Variants in DEK observed in about 807,000 individuals in gnomAD.
The protein encoded by DEK is protein DEK.
DEK carries 28 observed loss-of-function variants against 46.8 expected under a neutral mutation model. The observed-to-expected ratio is 0.60, with a 90% CI of 0.44 to 0.82. The LOEUF is 0.82. DEK is among the 40% of genes least tolerant of loss of function. DEK has a pLI of 0.00. For missense variants in DEK, 416 were observed against 430.6 expected, an observed-to-expected ratio of 0.97 and a Z score of 0.30; for synonymous variants, 160 against 144.5, an observed-to-expected ratio of 1.11 and a Z score of -0.77.
Position 18,258,030 on chromosome 6 carries a change from T to A in DEK, c.280A>T (p.Ile94Leu). The change falls in exon 4 of 11, where the codon ATA becomes TTA. Residue 94 changes from isoleucine to leucine, a missense_variant. Transcript: ENST00000652689. ...KGQKLCEIERIHFFLSKKKTD... is the reference protein window; with the variant it reads ...KGQKLCEIERLHFFLSKKKTD... ...TTCTTCTTACTTAGAAAAAAATGTA[T>A]CCTCTCAATTTCACAAAGTTTCTGC... 6.2e-7 allele frequency: 1 copy of A among 1,610,564 alleles called. No individual in the cohort carries two copies. Among genetic ancestry groups the A allele is most frequent in the Non-Finnish European group, 8.5e-7 (1 of 1,178,976 alleles).
chr6:18,243,358 G>T (rs1307945936), intron 7 of DEK, among the ~76,000 whole-genome samples: 2 of 151,876 alleles, frequency 1.3e-5, no homozygotes, highest in African/African-American at 4.8e-5. Context: ...AAATGCTCAG[G>T]TATAGAATAA....
chr6:18,259,394 C>CAAAAAAAAAAAAAAAA (rs56704006), intron 2 of DEK, among the ~76,000 whole-genome samples: 3 of 41,482 alleles, frequency 7.2e-5, no homozygotes, highest in Non-Finnish European at 1.0e-4. Context: ...GACTCCGTCT[C>CAAAAAAAAAAAAAAAA]AAAAAAAAAA....
At chr6:18,226,137 A>T (rs1045492052) in intron 10 of DEK, 37 bp downstream of exon 10, 2 of 1,248,508 alleles carry the variant, frequency 1.6e-6, no homozygotes, top group Non-Finnish European at 2.1e-6. Flanking sequence ...TTTGTCTTAT[A>T]TTTCTAAAGT....
chr6:18,256,142 C>T (rs969198704), intron 5 of DEK, among the ~76,000 whole-genome samples: 20 of 151,922 alleles, frequency 1.3e-4, no homozygotes, highest in African/African-American at 4.8e-4. Flanking sequence ...CATGCGCCAC[C>T]ACAGCCGGCT....
intron 7 of DEK, among the ~76,000 whole-genome samples, chr6:18,245,027 T>C (rs755196009): frequency 1.3e-5 from 2 of 152,204 alleles, no homozygotes; most frequent in Non-Finnish European, 1.5e-5. Context: ...ACTTTTGATC[T>C]GCCTTCCTCT....
chr6:18,239,152 G>A (rs963846853), intron 7 of DEK, among the ~76,000 whole-genome samples: 2 of 151,980 alleles, frequency 1.3e-5, no homozygotes, highest in African/African-American at 2.4e-5. Context: ...AGGAACTCCC[G>A]ACCTCAGGTG....
At chr6:18,229,839 C>G (rs1790327766) in intron 9 of DEK, among the ~76,000 whole-genome samples, 1 of 152,162 alleles carries the variant, frequency 6.6e-6, no homozygotes, top group Non-Finnish European at 1.5e-5. Context: ...CCCAATCTAG[C>G]AAGGCAGGCC....
intron 5 of DEK, among the ~76,000 whole-genome samples, chr6:18,256,144 C>A (rs1364142965): frequency 1.3e-5 from 2 of 151,988 alleles, no homozygotes; most frequent in South Asian, 4.1e-4. Context: ...TGCGCCACCA[C>A]AGCCGGCTAA....
chr6:18,237,425 GCTTT>G lies in DEK; in HGVS notation c.850_853del (p.Lys284GlnfsTer28). 1 of 1,609,016 alleles carries G rather than the reference GCTTT, an allele frequency of 6.2e-7. No individual in the cohort carries two copies. The highest frequency in any genetic ancestry group is 8.5e-7 in the Non-Finnish European group (1 of 1,178,826). On this transcript the variant is annotated frameshift_variant, in exon 8 of 11. Coordinates refer to ENST00000652689, the MANE Select transcript of DEK (RefSeq NM_003472.4). LOFTEE classifies it high-confidence loss of function. ...ATTCTTCTTGGTGGTGCTGCTATCT[GCTTT>G]CTTAACATTGGCACTTTTCACAGAT...
chr6:18,230,488 CAT>C (rs1409504227), intron 9 of DEK, among the ~76,000 whole-genome samples: 2 of 152,102 alleles, frequency 1.3e-5, no homozygotes, highest in Non-Finnish European at 2.9e-5. Flanking sequence ...AGACCCATCT[CAT>C]GTGCAGAGAC....
intron 7 of DEK, among the ~76,000 whole-genome samples, chr6:18,237,860 CT>C (rs60332682): frequency 0.1 from 9,199 of 88,558 alleles, 127 homozygotes; most frequent in African/African-American, 0.17. Context: ...CAACTGGAAT[CT>C]TTTTTTTTTT....
chr6:18,230,334 A>C (rs1382694300), intron 9 of DEK, among the ~76,000 whole-genome samples: 1 of 152,200 alleles, frequency 6.6e-6, no homozygotes, highest in Non-Finnish European at 1.5e-5. Flanking sequence ...CGAGCAAAAT[A>C]ACCAGCTAAC....
chr6:18,241,107 A>G (rs541687252), intron 7 of DEK, among the ~76,000 whole-genome samples: 1 of 152,324 alleles, frequency 6.6e-6, no homozygotes, highest in South Asian at 2.1e-4. Context: ...TAAAACTACT[A>G]ATGAATTTGT....
chr6:18,242,527 G>A (rs188011484), intron 7 of DEK, among the ~76,000 whole-genome samples: 3 of 152,298 alleles, frequency 2.0e-5, no homozygotes, highest in East Asian at 3.9e-4. Flanking sequence ...TGAGTAGTGT[G>A]ATGAAATCTC....
intron 9 of DEK, among the ~76,000 whole-genome samples, chr6:18,230,353 G>T (rs1377369400): frequency 6.6e-6 from 1 of 152,132 alleles, no homozygotes; most frequent in Non-Finnish European, 1.5e-5. Flanking sequence ...ACATCATAAT[G>T]ACAGGATCAA....
At chr6:18,240,473 CA>C (rs1011467425) in intron 7 of DEK, among the ~76,000 whole-genome samples, 1 of 152,128 alleles carries the variant, frequency 6.6e-6, no homozygotes, top group African/African-American at 2.4e-5. Flanking sequence ...ATTTACAAAA[CA>C]AAAGAAACAA....
intron 2 of DEK, among the ~76,000 whole-genome samples, chr6:18,259,961 T>C (rs186612848): frequency 6.1e-4 from 93 of 152,338 alleles, no homozygotes; most frequent in African/African-American, 2.2e-3. Context: ...TGATTTAAAC[T>C]ATTTGCTTGT....
chr6:18,262,084 G>A (rs1310116060), intron 2 of DEK, among the ~76,000 whole-genome samples: 1 of 152,052 alleles, frequency 6.6e-6, no homozygotes. Context: ...TTGTTTAAAA[G>A]AGCATGGCAC....
chr6:18,252,399 C>T (rs938742025), intron 6 of DEK, among the ~76,000 whole-genome samples: 2 of 145,096 alleles, frequency 1.4e-5, no homozygotes, highest in Non-Finnish European at 3.0e-5. Context: ...GTCCCAGTTA[C>T]TTGGGTGGCT....
Sources: gnomAD v4.1 joint callset for allele counts (sites outside exome capture counted in the v4.1 genomes callset) on GRCh38, gnomAD v4.1.1 for gene constraint, MANE v1.5 for transcripts, NCBI Gene and HGNC (gene_info 2026-07-23, HGNC 2026-07-21) for gene names.